Variants in ESRRG observed in about 807,000 individuals in gnomAD.
ESRRG encodes estrogen-related receptor gamma.
Under a neutral mutation model 44.0 loss-of-function variants are expected in ESRRG, and 13 were observed. The observed-to-expected ratio is 0.30, with a 90% CI of 0.19 to 0.47. The LOEUF is 0.47. ESRRG is among the 20% of genes least tolerant of loss of function. The probability of loss-of-function intolerance (pLI) is 1.00; values close to 1 mark genes in which losing one functional copy is unlikely to be tolerated. For synonymous variants in ESRRG, 215 were observed against 214.6 expected (o/e 1.00, Z -0.02); for missense variants, 395 against 580.6 (o/e 0.68, Z 3.29).
At chr1:216,831,647 T>TA (rs1261196652) in intron 2 of ESRRG, among the ~76,000 whole-genome samples, 1 of 152,138 alleles carries the variant, frequency 6.6e-6, no homozygotes, top group African/African-American at 2.4e-5. Flanking sequence ...TAATATTAGA[T>TA]AAAAAATTTA....
At chr1:216,854,183 C>CCTGT (rs1390355299) in intron 2 of ESRRG, among the ~76,000 whole-genome samples, 3 of 151,590 alleles carry the variant, frequency 2.0e-5, no homozygotes, top group East Asian at 3.9e-4. Flanking sequence ...ATGATAAAAC[C>CCTGT]CTGTCTCTAC....
intron 3 of ESRRG, among the ~76,000 whole-genome samples, chr1:216,609,665 A>C (rs186446608): frequency 8.3e-4 from 126 of 152,350 alleles, no homozygotes; most frequent in African/African-American, 2.7e-3. Flanking sequence ...AAATAATCTT[A>C]GCTAAAAACA....
intron 2 of ESRRG, among the ~76,000 whole-genome samples, chr1:216,813,504 G>C (rs1040001016): frequency 2.6e-5 from 4 of 152,160 alleles, no homozygotes; most frequent in Non-Finnish European, 4.4e-5. Flanking sequence ...TTTATAACTA[G>C]TATCTATTTT....
intron 2 of ESRRG, among the ~76,000 whole-genome samples, chr1:216,881,416 G>A (rs538804179): frequency 2.0e-5 from 3 of 152,074 alleles, no homozygotes; most frequent in Non-Finnish European, 4.4e-5. Context: ...CATTTCCTGT[G>A]CCCATGAATT....
intron 2 of ESRRG, among the ~76,000 whole-genome samples, chr1:216,829,489 T>C (rs2095450655): frequency 6.6e-6 from 1 of 151,964 alleles, no homozygotes; most frequent in African/African-American, 2.4e-5. Flanking sequence ...AAGAAACCTG[T>C]AGATAGTAAG....
chr1:216,533,284 G>C (rs528118222), intron 5 of ESRRG, among the ~76,000 whole-genome samples: 1 of 150,834 alleles, frequency 6.6e-6, no homozygotes, highest in Non-Finnish European at 1.5e-5. Flanking sequence ...AAAATAAAAG[G>C]TATATATTAG....
chr1:217,040,308 C>T (rs964150335), intron 1 of ESRRG, among the ~76,000 whole-genome samples: 1 of 152,040 alleles, frequency 6.6e-6, no homozygotes, highest in Non-Finnish European at 1.5e-5. Flanking sequence ...TGTGGCTTTG[C>T]TGAGAAAGTT....
At chr1:216,856,853 A>T (rs187944747) in intron 2 of ESRRG, among the ~76,000 whole-genome samples, 53 of 152,342 alleles carry the variant, frequency 3.5e-4, no homozygotes, top group African/African-American at 1.3e-3. Flanking sequence ...AAGCCAACTC[A>T]TACATTAATC....
At chr1:216,523,828 T>C (rs1289325466) in intron 5 of ESRRG, among the ~76,000 whole-genome samples, 1 of 149,546 alleles carries the variant, frequency 6.7e-6, no homozygotes, top group East Asian at 2.0e-4. Flanking sequence ...GTTTTTGAAC[T>C]GTAGTTTTTC....
chr1:216,572,787 G>T (rs1005840449), intron 3 of ESRRG, among the ~76,000 whole-genome samples: 113 of 152,112 alleles, frequency 7.4e-4, no homozygotes, highest in African/African-American at 2.6e-3. Context: ...AAGGACAGAA[G>T]TATTTAACCA....
At chr1:216,656,417 G>T (rs982775492) in intron 2 of ESRRG, among the ~76,000 whole-genome samples, 2 of 152,092 alleles carry the variant, frequency 1.3e-5, no homozygotes, top group Non-Finnish European at 2.9e-5. Context: ...ATCTCCTGGC[G>T]GCTTTTCAAA....
intron 1 of ESRRG, among the ~76,000 whole-genome samples, chr1:217,084,668 T>G (rs2091969987): frequency 6.6e-6 from 1 of 152,192 alleles, no homozygotes; most frequent in African/African-American, 2.4e-5. Flanking sequence ...AAAATTTGTT[T>G]GTATAGGGAA....
At chr1:216,830,439 A>T (rs1285943333) in intron 2 of ESRRG, among the ~76,000 whole-genome samples, 3 of 152,198 alleles carry the variant, frequency 2.0e-5, no homozygotes, top group Non-Finnish European at 2.9e-5. Flanking sequence ...TTGACTAACA[A>T]GTGGGTTCAA....
chr1:217,102,475 T>C (rs116172378), intron 1 of ESRRG, among the ~76,000 whole-genome samples: 1,942 of 152,362 alleles, frequency 0.013, 52 homozygotes, highest in African/African-American at 0.044. Flanking sequence ...TTGAAACCTG[T>C]AGTGTATGAG....
intron 2 of ESRRG, among the ~76,000 whole-genome samples, chr1:216,831,184 T>A (rs932935088): frequency 6.6e-6 from 1 of 151,764 alleles, no homozygotes; most frequent in Non-Finnish European, 1.5e-5. Flanking sequence ...AGGAGTTACG[T>A]GTCTGGTGCA....
rs568864394 is a variant in ESRRG, at chr1:216,772,898, A to C, written c.-13-95407T>G. On this transcript the variant is annotated intron_variant, in intron 2 of 7. Transcript: ENST00000359162. ...ATATTTGGTGTTTCCAAAAGGAGAA[A>C]AAAAATCTTTGGGGGAAAAATCAGA... Among the ~76,000 whole-genome samples, 33 of 152,150 alleles carry C rather than the reference A, an allele frequency of 2.2e-4. No individual in the cohort carries two copies. The South Asian group carries it at 6.0e-3, about 28-fold the overall frequency.
chr1:216,615,845 C>A (rs1009643028), intron 3 of ESRRG, among the ~76,000 whole-genome samples: 2 of 151,602 alleles, frequency 1.3e-5, no homozygotes, highest in Non-Finnish European at 2.9e-5. Context: ...CCACACCACA[C>A]CCAGCTAATT....
chr1:216,657,757 G>T (rs535989079), intron 2 of ESRRG, among the ~76,000 whole-genome samples: 1 of 152,196 alleles, frequency 6.6e-6, no homozygotes, highest in South Asian at 2.1e-4. Context: ...TCTTATCAAA[G>T]CAATTTCATA....
intron 1 of ESRRG, chr1:216,707,333 T>A: frequency 6.5e-7 from 1 of 1,535,552 alleles, no homozygotes; most frequent in Non-Finnish European, 8.7e-7. Flanking sequence ...GATCAAGTCT[T>A]CACAAAGAAA....
Sources: allele counts gnomAD v4.1 joint callset (sites outside exome capture counted in the v4.1 genomes callset), GRCh38; gene constraint gnomAD v4.1.1; transcripts MANE v1.5; gene names NCBI Gene and HGNC (gene_info 2026-07-23, HGNC 2026-07-21).